TEX11: variants seen among roughly 807,000 people sequenced by gnomAD.
The protein encoded by TEX11 is testis-expressed protein 11.
Under a neutral mutation model 84.4 loss-of-function variants are expected in TEX11, and 7 were observed. The ratio of observed to expected loss-of-function variants is 0.08; its 90% CI spans 0.05 to 0.16. The LOEUF (loss-of-function observed/expected upper bound fraction) is 0.16. Among genes scored for constraint, TEX11 ranks in the 10% least tolerant of loss-of-function variants. TEX11 has a pLI of 1.00. For missense variants in TEX11, 551 were observed against 660.5 expected, an observed-to-expected ratio of 0.83 and a Z score of 1.82; for synonymous variants, 264 against 222.8, an observed-to-expected ratio of 1.18 and a Z score of -1.64.
intron 24 of TEX11, among the ~76,000 whole-genome samples, chrX:70,597,218 A>G (rs1408292828): frequency 8.9e-6 from 1 of 111,942 alleles, no homozygotes; most frequent in African/African-American, 3.2e-5. Context: ...CCCTAAACTG[A>G]TTTACAGTTT....
chrX:70,717,492 T>C (rs1370298342), intron 13 of TEX11, among the ~76,000 whole-genome samples: 1 of 111,141 alleles, frequency 9.0e-6, no homozygotes, highest in Non-Finnish European at 1.9e-5. Flanking sequence ...CTCATTTTTG[T>C]GTTTTCAGTA....
intron 25 of TEX11, among the ~76,000 whole-genome samples, chrX:70,564,392 T>A (rs1379418752): frequency 3.6e-5 from 4 of 111,730 alleles, no homozygotes; most frequent in African/African-American, 9.7e-5. Context: ...ATATTATTTC[T>A]TTCTTTTTAT....
intron 7 of TEX11, among the ~76,000 whole-genome samples, chrX:70,834,712 T>C (rs1348974255): frequency 2.9e-5 from 3 of 103,847 alleles, no homozygotes; most frequent in Non-Finnish European, 3.9e-5. Context: ...TGCAGCGAGC[T>C]GAGATCGAGC....
At chrX:70,678,974 G>A (rs1233956842) in intron 14 of TEX11, 85 bp from the exon 15 acceptor site, 2 of 744,066 alleles carry the variant, frequency 2.7e-6, no homozygotes, top group Non-Finnish European at 3.9e-6. Flanking sequence ...CTCTCCCCAC[G>A]GTCTCCCTCT....
At chrX:70,706,096 G>A (rs1467164522) in intron 13 of TEX11, among the ~76,000 whole-genome samples, 1 of 111,309 alleles carries the variant, frequency 9.0e-6, no homozygotes, top group Admixed American at 9.6e-5. Context: ...AAGAAAATGT[G>A]GCACATATAC....
intron 11 of TEX11, among the ~76,000 whole-genome samples, chrX:70,726,670 A>G (rs1395227921): frequency 9.1e-6 from 1 of 109,718 alleles, no homozygotes; most frequent in Non-Finnish European, 1.9e-5. Context: ...AGCTGGGATT[A>G]CAGGTACACT....
chrX:70,801,625 TTTTCTTTCTTTC>T (rs200925505), intron 9 of TEX11, among the ~76,000 whole-genome samples: 7,375 of 88,661 alleles, frequency 0.083, 372 homozygotes, highest in African/African-American at 0.15. Context: ...TTTTCTTTTA[TTTTCTTTCTTTC>T]TTTCTTTCTT....
At chrX:70,788,318 G>T (rs2091092431) in intron 9 of TEX11, among the ~76,000 whole-genome samples, 1 of 111,311 alleles carries the variant, frequency 9.0e-6, no homozygotes, top group South Asian at 3.8e-4. Flanking sequence ...AAATAGACGT[G>T]TCAACCAATG....
intron 13 of TEX11, among the ~76,000 whole-genome samples, chrX:70,694,195 C>T (rs938043429): frequency 1.8e-5 from 2 of 110,839 alleles, no homozygotes; most frequent in Non-Finnish European, 3.8e-5. Context: ...CTGGCGCACA[C>T]CACCATGCCC....
chrX:70,885,211 G>A (rs1486651277), intron 2 of TEX11, among the ~76,000 whole-genome samples: 2 of 111,755 alleles, frequency 1.8e-5, no homozygotes, highest in African/African-American at 6.5e-5. Flanking sequence ...AGCCCATGAA[G>A]AATGAGAGAG....
chrX:70,656,770 G>A (rs1213061977), intron 16 of TEX11, among the ~76,000 whole-genome samples: 1 of 112,233 alleles, frequency 8.9e-6, no homozygotes, highest in East Asian at 2.8e-4. Context: ...GCATGATGGG[G>A]AAACTGGAGA....
Position 70,799,056 on chromosome X carries a change from C to T in TEX11, c.692+7649G>A, listed in dbSNP as rs754542574. Among the ~76,000 whole-genome samples, 3 of 111,527 alleles carry T rather than the reference C, an allele frequency of 2.7e-5. No individual in the cohort carries two copies. The South Asian group carries it at 1.1e-3, about 42-fold the overall frequency. Reference sequence around the variant, plus strand: ...ACAATTAACAGAGTGAAGAGACAGCCTGTGGAATTGCAGAATATTATGAGA... The same window carrying T: ...ACAATTAACAGAGTGAAGAGACAGCTTGTGGAATTGCAGAATATTATGAGA... On this transcript the variant is annotated intron_variant, in intron 9 of 29. Transcript: ENST00000374333.
At chrX:70,902,686 G>T (rs972444074) in intron 2 of TEX11, among the ~76,000 whole-genome samples, 4 of 110,447 alleles carry the variant, frequency 3.6e-5, no homozygotes, top group East Asian at 2.8e-4. Context: ...CCACAGGCAC[G>T]TGCCACCATG....
intron 24 of TEX11, among the ~76,000 whole-genome samples, chrX:70,602,885 AG>A: frequency 1.4e-5 from 1 of 72,819 alleles, no homozygotes; most frequent in East Asian, 4.3e-4. Flanking sequence ...TACAAAAATC[AG>A]AAGCATTCTT....
At chrX:70,733,467 A>G (rs1203373383) in intron 11 of TEX11, among the ~76,000 whole-genome samples, 3 of 111,833 alleles carry the variant, frequency 2.7e-5, no homozygotes, top group Non-Finnish European at 3.8e-5. Flanking sequence ...AAGAAAACAA[A>G]CAACCCCATC....
chrX:70,860,444 C>T (rs960206051), intron 5 of TEX11, among the ~76,000 whole-genome samples: 1 of 111,496 alleles, frequency 9.0e-6, no homozygotes, highest in Non-Finnish European at 1.9e-5. Context: ...AGCTAGTAAG[C>T]GGCAGACCTA....
intron 28 of TEX11, among the ~76,000 whole-genome samples, chrX:70,545,630 T>C (rs2088112784): frequency 8.9e-6 from 1 of 112,715 alleles, no homozygotes; most frequent in Admixed American, 9.4e-5. Flanking sequence ...GATAAAAGTA[T>C]AGTAAATACA....
chrX:70,628,010 C>T (rs1175825978), intron 18 of TEX11, among the ~76,000 whole-genome samples: 1 of 111,038 alleles, frequency 9.0e-6, no homozygotes, highest in East Asian at 2.8e-4. Flanking sequence ...AGACAGATCA[C>T]TTAAGGCCAA....
chrX:70,750,965 T>TAA (rs2090818782), intron 9 of TEX11, among the ~76,000 whole-genome samples: 2 of 74,327 alleles, frequency 2.7e-5, no homozygotes, highest in Non-Finnish European at 5.4e-5. Context: ...TATATATATA[T>TAA]AAAAGTCAGG....
Sources: gnomAD v4.1 joint callset for allele counts (sites outside exome capture counted in the v4.1 genomes callset) on GRCh38, gnomAD v4.1.1 for gene constraint, MANE v1.5 for transcripts, NCBI Gene and HGNC (gene_info 2026-07-23, HGNC 2026-07-21) for gene names.